Variants in KSR2 observed in about 807,000 individuals in gnomAD.
KSR2 encodes the protein kinase suppressor of ras 2.
Under a neutral mutation model 107.8 loss-of-function variants are expected in KSR2, and 25 were observed. The observed-to-expected ratio is 0.23, with a 90% CI of 0.17 to 0.32. The LOEUF (loss-of-function observed/expected upper bound fraction) is 0.32. Among genes scored for constraint, KSR2 ranks in the 10% least tolerant of loss-of-function variants. KSR2 has a pLI of 1.00. For missense variants in KSR2, 887 were observed against 1,268.9 expected (o/e 0.70, Z 4.57); for synonymous variants, 480 against 507.0 (o/e 0.95, Z 0.71).
At chr12:117,727,648 T>A (rs1249395109) in intron 4 of KSR2, among the ~76,000 whole-genome samples, 2 of 152,038 alleles carry the variant, frequency 1.3e-5, no homozygotes, top group Non-Finnish European at 2.9e-5. Context: ...CATCAGAAGC[T>A]GGGAGAGGCA....
intron 1 of KSR2, among the ~76,000 whole-genome samples, chr12:117,927,784 A>T (rs1311593699): frequency 6.6e-6 from 1 of 152,188 alleles, no homozygotes; most frequent in Non-Finnish European, 1.5e-5. Flanking sequence ...TACTCGTATA[A>T]AATTAGCATC....
intron 1 of KSR2, among the ~76,000 whole-genome samples, chr12:117,926,192 C>T (rs573782376): frequency 3.6e-4 from 55 of 152,198 alleles, no homozygotes; most frequent in African/African-American, 1.0e-3. Flanking sequence ...AGTGAGACTC[C>T]GTCTCAGAGA....
chr12:117,648,072 T>C (rs935292417), intron 5 of KSR2, among the ~76,000 whole-genome samples: 1 of 152,174 alleles, frequency 6.6e-6, no homozygotes, highest in African/African-American at 2.4e-5. Context: ...ATACCATTTA[T>C]GGCAGGTCCA....
intron 3 of KSR2, among the ~76,000 whole-genome samples, chr12:117,841,263 C>T (rs376963910): frequency 1.3e-5 from 2 of 152,104 alleles, no homozygotes; most frequent in Admixed American, 1.3e-4. Flanking sequence ...TATTTTCATC[C>T]TCCTTGCCCT....
chr12:117,471,133 C>T, intron 18 of KSR2, 58 bp downstream of exon 18: 1 of 1,596,778 alleles, frequency 6.3e-7, no homozygotes, highest in South Asian at 1.1e-5. Context: ...AAAGAAGGCC[C>T]ATGACTGTGT....
chr12:117,848,553 A>C (rs575642604), intron 3 of KSR2, among the ~76,000 whole-genome samples: 29 of 152,344 alleles, frequency 1.9e-4, no homozygotes, highest in African/African-American at 6.5e-4. Flanking sequence ...AGCCAGACAG[A>C]AGGGGAGTAG....
intron 3 of KSR2, among the ~76,000 whole-genome samples, chr12:117,812,999 GA>G (rs1316317464): frequency 1.3e-5 from 2 of 151,942 alleles, no homozygotes; most frequent in South Asian, 2.1e-4. Context: ...CAATGGAACA[GA>G]ATAGAGAACT....
chr12:117,963,578 G>C (rs1487977877), intron 1 of KSR2, among the ~76,000 whole-genome samples: 1 of 151,786 alleles, frequency 6.6e-6, no homozygotes, highest in Non-Finnish European at 1.5e-5. Context: ...ACTCCAGCCT[G>C]AGTTACAGAG....
At chr12:117,858,660 T>C (rs115752971) in intron 2 of KSR2, among the ~76,000 whole-genome samples, 3 of 152,174 alleles carry the variant, frequency 2.0e-5, no homozygotes, top group Non-Finnish European at 4.4e-5. Flanking sequence ...TGCCCAGCTC[T>C]GGGGGGACCC....
At chr12:117,857,958 G>A (rs1893154512) in intron 2 of KSR2, among the ~76,000 whole-genome samples, 1 of 152,188 alleles carries the variant, frequency 6.6e-6, no homozygotes, top group Admixed American at 6.6e-5. Flanking sequence ...GATGCTCAGT[G>A]ACTAAGGCAA....
intron 16 of KSR2, among the ~76,000 whole-genome samples, chr12:117,482,512 A>C (rs543661549): frequency 3.9e-5 from 6 of 152,256 alleles, no homozygotes; most frequent in African/African-American, 1.4e-4. Context: ...GATGTTGCTG[A>C]AGGCACTCCC....
intron 3 of KSR2, among the ~76,000 whole-genome samples, chr12:117,807,636 C>A (rs797005219): frequency 5.3e-5 from 8 of 152,222 alleles, no homozygotes; most frequent in Middle Eastern, 3.4e-3. Context: ...ACTCACTGAC[C>A]TATAAATGCA....
intron 4 of KSR2, among the ~76,000 whole-genome samples, chr12:117,709,200 C>A (rs886708732): frequency 1.3e-5 from 2 of 152,156 alleles, no homozygotes; most frequent in South Asian, 4.1e-4. Flanking sequence ...CTCTCACACC[C>A]ATTTTGCTTC....
At chr12:117,607,090 C>A (rs756674614) in intron 5 of KSR2, among the ~76,000 whole-genome samples, 3 of 152,106 alleles carry the variant, frequency 2.0e-5, no homozygotes, top group Non-Finnish European at 4.4e-5. Flanking sequence ...TGTCCACTGG[C>A]TCATTGAGCT....
At chr12:117,519,277 A>G (rs1317565541) in intron 14 of KSR2, among the ~76,000 whole-genome samples, 2 of 152,114 alleles carry the variant, frequency 1.3e-5, no homozygotes, top group Non-Finnish European at 2.9e-5. Context: ...GGTGTGCCCG[A>G]AGCTCTTGGC....
intron 4 of KSR2, among the ~76,000 whole-genome samples, chr12:117,709,130 AAC>A (rs1751104553): frequency 6.6e-6 from 1 of 152,148 alleles, no homozygotes; most frequent in African/African-American, 2.4e-5. Flanking sequence ...CATGTAAAGT[AAC>A]ACAATAAATT....
chr12:117,945,850 G>A (rs1896164903), intron 1 of KSR2, among the ~76,000 whole-genome samples: 2 of 152,094 alleles, frequency 1.3e-5, no homozygotes, highest in Non-Finnish European at 1.5e-5. Context: ...TGCAAACAAA[G>A]GAGAGGAGAT....
intron 3 of KSR2, among the ~76,000 whole-genome samples, chr12:117,852,634 T>C (rs1277145365): frequency 6.6e-6 from 1 of 152,180 alleles, no homozygotes; most frequent in Non-Finnish European, 1.5e-5. Flanking sequence ...TTAAGGATGC[T>C]GCCAAACTCA....
chr12:117,949,245 A>G (rs1390313728), intron 1 of KSR2, among the ~76,000 whole-genome samples: 1 of 152,210 alleles, frequency 6.6e-6, no homozygotes, highest in Non-Finnish European at 1.5e-5. Context: ...AATAAATTCA[A>G]AAGTGATAAA....
Sources: allele counts gnomAD v4.1 joint callset (sites outside exome capture counted in the v4.1 genomes callset), GRCh38; gene constraint gnomAD v4.1.1; transcripts MANE v1.5; gene names NCBI Gene and HGNC (gene_info 2026-07-23, HGNC 2026-07-21).